RELL1: variants seen among roughly 807,000 people sequenced by gnomAD.
RELL1 encodes RELT like 1, also known as RELT-like protein 1.
A neutral mutation model predicts 23.0 loss-of-function variants in RELL1; 10 were observed. The observed-to-expected ratio is 0.43, with a 90% CI of 0.27 to 0.74. The LOEUF is 0.74. Among genes scored for constraint, RELL1 ranks in the 30% least tolerant of loss-of-function variants. The pLI, the probability that RELL1 is intolerant of heterozygous loss-of-function variation, is 0.19. For missense variants in RELL1, 315 were observed against 364.4 expected (o/e 0.86, Z 1.10); for synonymous variants, 146 against 146.8 (o/e 0.99, Z 0.04).
intron 1 of RELL1, among the ~76,000 whole-genome samples, chr4:37,668,876 C>G (rs1160605129): frequency 6.9e-6 from 1 of 144,660 alleles, no homozygotes; most frequent in South Asian, 2.2e-4. Flanking sequence ...TCGCCTCGTC[C>G]GGGATGTGAG....
intron 3 of RELL1, among the ~76,000 whole-genome samples, chr4:37,645,546 G>C (rs150397071): frequency 5.6e-4 from 85 of 152,288 alleles, no homozygotes; most frequent in African/African-American, 1.9e-3. Flanking sequence ...GAGTAAGTTT[G>C]GTTGTCTGAC....
chr4:37,631,857 A>G (rs1381899773), intron 5 of RELL1, among the ~76,000 whole-genome samples: 1 of 151,986 alleles, frequency 6.6e-6, no homozygotes, highest in Non-Finnish European at 1.5e-5. Context: ...AGGTGGGTGG[A>G]TTGCTTGAGC....
intron 1 of RELL1, among the ~76,000 whole-genome samples, chr4:37,674,327 T>C (rs1721943195): frequency 6.6e-6 from 1 of 152,258 alleles, no homozygotes; most frequent in African/African-American, 2.4e-5. Context: ...TAAAGAATGA[T>C]CTACAAGTTT....
chr4:37,673,072 T>A (rs1577608169), intron 1 of RELL1, among the ~76,000 whole-genome samples: 2 of 152,312 alleles, frequency 1.3e-5, no homozygotes, highest in East Asian at 3.9e-4. Context: ...TTTGTATAAT[T>A]TGAAGGTATT....
intron 1 of RELL1, among the ~76,000 whole-genome samples, chr4:37,656,180 A>G (rs944088978): frequency 6.6e-6 from 1 of 152,248 alleles, no homozygotes; most frequent in African/African-American, 2.4e-5. Flanking sequence ...TTTATAAAGA[A>G]GAAAATCCTG....
At chr4:37,645,349 G>A (rs1476077897) in intron 3 of RELL1, among the ~76,000 whole-genome samples, 1 of 152,166 alleles carries the variant, frequency 6.6e-6, no homozygotes, top group Non-Finnish European at 1.5e-5. Flanking sequence ...ACATCTTCTA[G>A]GCCAAGGACA....
chr4:37,615,197 T>C (rs1719536749), intron 6 of RELL1, among the ~76,000 whole-genome samples: 1 of 152,222 alleles, frequency 6.6e-6, no homozygotes, highest in Non-Finnish European at 1.5e-5. Context: ...TCACATTAGC[T>C]TTCTTCAACA....
At chr4:37,651,810 G>T (rs1040947465) in intron 1 of RELL1, among the ~76,000 whole-genome samples, 5 of 152,172 alleles carry the variant, frequency 3.3e-5, no homozygotes, top group Non-Finnish European at 7.4e-5. Context: ...ATTCCCCCGA[G>T]CCCCACATTG....
intron 3 of RELL1, among the ~76,000 whole-genome samples, 166 bp from the exon 4 acceptor site, chr4:37,638,670 G>A (rs17605382): frequency 0.025 from 3,733 of 152,198 alleles, 184 homozygotes; most frequent in East Asian, 0.13. Context: ...TGCATAACAT[G>A]GCACCATCTG....
At chr4:37,639,018 G>A (rs1394156958) in intron 3 of RELL1, among the ~76,000 whole-genome samples, 2 of 152,106 alleles carry the variant, frequency 1.3e-5, no homozygotes, top group East Asian at 1.9e-4. Flanking sequence ...TATCGATTCA[G>A]GGATGAGAGA....
intron 6 of RELL1, 97 bp downstream of exon 6, chr4:37,631,288 T>C: frequency 7.4e-7 from 1 of 1,352,842 alleles, no homozygotes; most frequent in South Asian, 1.5e-5. Flanking sequence ...CCCTGTCAAA[T>C]ACCATTCCTA....
At chr4:37,669,120 C>T (rs1234246303) in intron 1 of RELL1, among the ~76,000 whole-genome samples, 1 of 137,208 alleles carries the variant, frequency 7.3e-6, no homozygotes, top group Admixed American at 6.9e-5. Context: ...TCTGCCCGGC[C>T]GCCCCTACTG....
intron 1 of RELL1, among the ~76,000 whole-genome samples, chr4:37,676,913 G>A (rs890610152): frequency 1.5e-4 from 23 of 152,002 alleles, no homozygotes; most frequent in Admixed American, 1.1e-3. Context: ...CTACAATGGC[G>A]AACAAGACAT....
rs561809321 is a variant in RELL1 at position 37,638,641 on chromosome 4, G to A, written c.386-137C>T. 317 of 654,634 alleles carry A rather than the reference G, an allele frequency of 4.8e-4. 1 individual carries two copies. The African/African-American group carries it at 5.3e-3, about 11-fold the overall frequency. The allele number at this position is 654,634 out of a possible 1,614,324, so 40.6% of individuals were successfully genotyped here. A position where few individuals can be genotyped will look rare whatever the true frequency, so the allele number is the denominator to read the frequency against. ...AAGTCCTGGGGGCCTAGAGAAAGGA[G>A]GGTCTCCCCCAACATAACTGCATAA... is the stretch of plus-strand genomic sequence containing the variant. On this transcript the variant is annotated intron_variant, in intron 3 of 6. Transcript: ENST00000454158.
intron 1 of RELL1, among the ~76,000 whole-genome samples, chr4:37,650,394 A>T (rs1156380018): frequency 1.3e-5 from 2 of 152,198 alleles, no homozygotes; most frequent in African/African-American, 4.8e-5. Context: ...TGTGACAAGC[A>T]CCACACTGGG....
chr4:37,586,495 A>G (rs1335319026), downstream of RELL1, among the ~76,000 whole-genome samples: 2 of 152,176 alleles, frequency 1.3e-5, no homozygotes, highest in African/African-American at 4.8e-5. Context: ...TCTACATTCC[A>G]TGAGTCCTCC....
At chr4:37,616,486 G>A (rs16993723) in intron 6 of RELL1, among the ~76,000 whole-genome samples, 2,751 of 152,224 alleles carry the variant, frequency 0.018, 97 homozygotes, top group African/African-American at 0.063. Context: ...ATGCTGCCAG[G>A]GTCTCTCTCA....
chr4:37,657,991 C>T (rs978628041), intron 1 of RELL1, among the ~76,000 whole-genome samples: 6 of 152,036 alleles, frequency 3.9e-5, no homozygotes, highest in Non-Finnish European at 8.8e-5. Flanking sequence ...TACCTGCAGT[C>T]CCAACTACTG....
At chr4:37,682,871 C>CCA (rs779002157) in intron 1 of RELL1, among the ~76,000 whole-genome samples, 11 of 152,156 alleles carry the variant, frequency 7.2e-5, no homozygotes, top group Admixed American at 3.9e-4. Context: ...CCTCTTCCAC[C>CCA]CACTCCTTAC....
Sources: allele counts gnomAD v4.1 joint callset (sites outside exome capture counted in the v4.1 genomes callset), GRCh38; gene constraint gnomAD v4.1.1; transcripts MANE v1.5; gene names NCBI Gene and HGNC (gene_info 2026-07-23, HGNC 2026-07-21).